Variants in CHM observed in about 807,000 individuals in gnomAD.
CHM encodes the protein CHM Rab escort protein, also known as rab proteins geranylgeranyltransferase component A 1.
CHM carries 10 observed loss-of-function variants against 49.0 expected under a neutral mutation model. The observed-to-expected ratio is 0.20, with a 90% CI of 0.13 to 0.35. The LOEUF (loss-of-function observed/expected upper bound fraction) is 0.35. Among genes scored for constraint, CHM ranks in the 10% least tolerant of loss-of-function variants. CHM has a pLI of 1.00. For synonymous variants in CHM, 184 were observed against 167.5 expected (o/e 1.10, Z -0.76); for missense variants, 455 against 478.4 (o/e 0.95, Z 0.46).
intron 1 of CHM, among the ~76,000 whole-genome samples, chrX:86,035,016 A>C (rs774371698): frequency 7.2e-5 from 8 of 111,224 alleles, no homozygotes; most frequent in African/African-American, 2.6e-4. Flanking sequence ...AACCTAATCC[A>C]AATTCAGCAG....
chrX:85,966,634 C>T (rs750291394), intron 4 of CHM, among the ~76,000 whole-genome samples: 3 of 112,081 alleles, frequency 2.7e-5, no homozygotes, highest in Non-Finnish European at 5.6e-5. Context: ...TCTAAGGGGA[C>T]AATTTTCAGC....
At chrX:86,003,225 A>C (rs751974405) in intron 2 of CHM, among the ~76,000 whole-genome samples, 1 of 112,069 alleles carries the variant, frequency 8.9e-6, no homozygotes, top group Non-Finnish European at 1.9e-5. Flanking sequence ...CATCAACAAA[A>C]AGGACATTTA....
intron 9 of CHM, among the ~76,000 whole-genome samples, chrX:85,910,629 A>G (rs1926871537): frequency 9.0e-6 from 1 of 111,560 alleles, no homozygotes; most frequent in African/African-American, 3.2e-5. Flanking sequence ...AAAGCAGCCT[A>G]TAGGCCTGAT....
At chrX:86,020,858 A>T (rs1430852972) in intron 2 of CHM, among the ~76,000 whole-genome samples, 1 of 101,766 alleles carries the variant, frequency 9.8e-6, no homozygotes, top group African/African-American at 3.5e-5. Flanking sequence ...CATATATATC[A>T]TATTTATATA....
intron 9 of CHM, among the ~76,000 whole-genome samples, chrX:85,910,364 T>G (rs1926853878): frequency 9.0e-6 from 1 of 111,214 alleles, no homozygotes; most frequent in Admixed American, 9.6e-5. Flanking sequence ...AACTATATAC[T>G]CCTAAAAACA....
At chrX:85,908,158 C>A (rs951184761) in intron 9 of CHM, among the ~76,000 whole-genome samples, 1 of 112,166 alleles carries the variant, frequency 8.9e-6, no homozygotes, top group African/African-American at 3.2e-5. Flanking sequence ...TTAGTGAGTA[C>A]CCTAATTATA....
intron 2 of CHM, 29 bp from the exon 3 acceptor site, chrX:85,981,838 T>G (rs772682108): frequency 2.4e-4 from 179 of 745,471 alleles, no homozygotes; most frequent in Non-Finnish European, 3.2e-4. Flanking sequence ...AAAAAAAAAG[T>G]AAAGAAAATG....
At chrX:85,873,712 G>A (rs1387960191) in intron 13 of CHM, among the ~76,000 whole-genome samples, 1 of 110,836 alleles carries the variant, frequency 9.0e-6, no homozygotes, top group Non-Finnish European at 1.9e-5. Context: ...TGATGGTGGT[G>A]ATGTATGGAC....
chrX:85,960,364 C>A (rs1439296260), intron 5 of CHM, among the ~76,000 whole-genome samples: 1 of 111,118 alleles, frequency 9.0e-6, no homozygotes, highest in Non-Finnish European at 1.9e-5. Context: ...TAAAATTATA[C>A]TAGATTTTTG....
At chrX:85,882,172 A>T (rs1269710098) in intron 12 of CHM, among the ~76,000 whole-genome samples, 1 of 112,211 alleles carries the variant, frequency 8.9e-6, no homozygotes, top group Non-Finnish European at 1.9e-5. Flanking sequence ...ATGAGCAAAA[A>T]GTCTGAAGAC....
intron 8 of CHM, among the ~76,000 whole-genome samples, chrX:85,924,964 G>A (rs1262854411): frequency 8.9e-6 from 1 of 111,978 alleles, no homozygotes; most frequent in East Asian, 2.8e-4. Flanking sequence ...TGATGAGACT[G>A]TAGATGATAC....
intron 14 of CHM, among the ~76,000 whole-genome samples, chrX:85,870,041 G>A (rs762941410): frequency 1.8e-5 from 2 of 112,025 alleles, no homozygotes; most frequent in South Asian, 3.8e-4. Context: ...ATATAACACT[G>A]GGTGAGTGTA....
intron 2 of CHM, among the ~76,000 whole-genome samples, chrX:85,983,725 A>G (rs1034053022): frequency 1.8e-5 from 2 of 112,129 alleles, no homozygotes; most frequent in African/African-American, 6.5e-5. Context: ...ATACCAATAT[A>G]TAAGTAATAA....
chrX:85,899,584 T>A (rs886785203), intron 11 of CHM, among the ~76,000 whole-genome samples: 20 of 110,018 alleles, frequency 1.8e-4, no homozygotes, highest in African/African-American at 6.3e-4. Context: ...GCCATTACAT[T>A]ATTGCCATCA....
chrX:85,972,290 G>T (rs1427782016), intron 4 of CHM, among the ~76,000 whole-genome samples: 3 of 113,464 alleles, frequency 2.6e-5, no homozygotes, highest in Non-Finnish European at 3.7e-5. Context: ...AGCCCAGCTG[G>T]CTTCACCCAG....
rs1487531281 is a variant in CHM, at chrX:85,984,115, T to C, written c.117-2306A>G. Among the ~76,000 whole-genome samples the C allele has an allele frequency of 5.4e-5, 6 of 110,097 alleles. No homozygotes were observed. In the East Asian group the frequency reaches 1.7e-3, roughly 31 times the overall value. On this transcript the variant is annotated intron_variant, in intron 2 of 14. Transcript: ENST00000357749. ...TACTCAGGAGGCTGAGGTAGAAGAA[T>C]TGCTTGAACCCAGGAGGCAGAGGCT...
Position 85,864,765 on chromosome X carries a change from T to C in CHM, c.1827A>G (p.Pro609=), listed in dbSNP as rs2148112001. The part of the protein sequence containing the change: ...CPNEDFCPPP[P]NPEDIILDGD... ...CATCAAGGATAATGTCTTCAGGATT[T>C]GGTGGAGGGGGACAGAAATCTTCAT... Residue 609 remains proline, a synonymous_variant, in exon 15 of 15, where the codon CCA becomes CCG. Transcript: ENST00000357749. The C allele has an allele frequency of 8.3e-7, 1 of 1,209,515 alleles. No individual in the cohort carries two copies.
intron 9 of CHM, among the ~76,000 whole-genome samples, chrX:85,904,697 A>G (rs1449585408): frequency 9.0e-6 from 1 of 111,636 alleles, no homozygotes; most frequent in Non-Finnish European, 1.9e-5. Flanking sequence ...TTCAAATGCT[A>G]CCTCATCCAT....
At position 85,963,658 on chromosome X, in the gene CHM, T is replaced by C. The variant is rs780122347; in HGVS notation, c.702+7A>G. ...TCAATGCAAAGATGGGTAAAATTAG[T>C]ACTTACCTTTGATACTAAATCAATA... On this transcript the variant is annotated splice_region_variant and intron_variant, in intron 5 of 14. Coordinates refer to ENST00000357749, the MANE Select transcript of CHM (RefSeq NM_000390.4). 3.4e-6 allele frequency: 4 copies of C among 1,193,577 alleles called. No individual in the cohort carries two copies. Among genetic ancestry groups the C allele is most frequent in the Non-Finnish European group, 3.4e-6 (3 of 881,213 alleles).
Sources: gnomAD v4.1 joint callset for allele counts (sites outside exome capture counted in the v4.1 genomes callset) on GRCh38, gnomAD v4.1.1 for gene constraint, MANE v1.5 for transcripts, NCBI Gene and HGNC (gene_info 2026-07-23, HGNC 2026-07-21) for gene names.